HCRTR2: variants seen among roughly 807,000 people sequenced by gnomAD.
HCRTR2 encodes orexin receptor type 2.
A neutral mutation model predicts 49.0 loss-of-function variants in HCRTR2; 22 were observed. That is an observed-to-expected ratio of 0.45 (90% confidence interval 0.32 to 0.64). The LOEUF (loss-of-function observed/expected upper bound fraction) is 0.64, where lower values mean the gene tolerates loss of function less well. HCRTR2 is among the 30% of genes least tolerant of loss of function. HCRTR2 has a pLI of 0.04. For missense variants in HCRTR2, 491 were observed against 559.4 expected, an observed-to-expected ratio of 0.88 and a Z score of 1.23; for synonymous variants, 236 against 205.3, an observed-to-expected ratio of 1.15 and a Z score of -1.28.
At chr6:55,176,604 A>T (rs1335518041) in intron 1 of HCRTR2, among the ~76,000 whole-genome samples, 1 of 152,206 alleles carries the variant, frequency 6.6e-6, no homozygotes, top group East Asian at 1.9e-4. Flanking sequence ...ATATCAAAAT[A>T]ACCCACATTA....
chr6:55,262,930 A>T (rs1766795378), intron 3 of HCRTR2, among the ~76,000 whole-genome samples: 1 of 151,374 alleles, frequency 6.6e-6, no homozygotes, highest in Non-Finnish European at 1.5e-5. Flanking sequence ...AGGATTAATT[A>T]TAAATAAAAA....
At chr6:55,172,072 C>G (rs1351218625), upstream of HCRTR2, among the ~76,000 whole-genome samples, 1 of 152,140 alleles carries the variant, frequency 6.6e-6, no homozygotes, top group Non-Finnish European at 1.5e-5. Context: ...TGCCGATGAA[C>G]TTGAACAAAG....
intron 1 of HCRTR2, among the ~76,000 whole-genome samples, chr6:55,158,101 G>A (rs1296584524): frequency 3.3e-5 from 5 of 152,176 alleles, no homozygotes; most frequent in African/African-American, 1.2e-4. Context: ...TTCCAACTGA[G>A]GTACCCAGCT....
chr6:55,220,646 A>G (rs1400016662), intron 1 of HCRTR2, among the ~76,000 whole-genome samples: 1 of 152,186 alleles, frequency 6.6e-6, no homozygotes, highest in East Asian at 1.9e-4. Flanking sequence ...AAGATCAGGA[A>G]CTAGGTAAGA....
At chr6:55,257,432 TA>T (rs1766674125) in intron 3 of HCRTR2, among the ~76,000 whole-genome samples, 1 of 152,066 alleles carries the variant, frequency 6.6e-6, no homozygotes, top group Non-Finnish European at 1.5e-5. Flanking sequence ...AATATAAAAA[TA>T]TTTTTCAATA....
Position 55,277,456 on chromosome 6 carries a change from A to G in HCRTR2, c.839A>G (p.Gln280Arg). 2.5e-6 allele frequency: 4 copies of G among 1,614,114 alleles called. No homozygotes were observed. Among genetic ancestry groups the G allele is most frequent in the Non-Finnish European group, 3.4e-6 (4 of 1,179,988 alleles). The change falls in exon 5 of 7, where the codon CAG becomes CGG. Residue 280 changes from glutamine to arginine, a missense_variant. Physicochemically the swap from Gln to Arg is conservative, Grantham distance 43. Coordinates refer to ENST00000370862, the MANE Select transcript of HCRTR2 (RefSeq NM_001384272.1). ...GTTTCACAGCCTCGAGGGCCAGGAC[A>G]GCCAACGAAGTCCCGGATGAGCGCT... ...QPVSQPRGPG[Q>R]PTKSRMSAVA...
At chr6:55,282,826 T>G (rs1316930257), downstream of HCRTR2, among the ~76,000 whole-genome samples, 3 of 152,162 alleles carry the variant, frequency 2.0e-5, no homozygotes, top group Non-Finnish European at 2.9e-5. Context: ...TGATTTTTTT[T>G]GCTACTAAAA....
At chr6:55,241,781 G>C (rs1766336311) in intron 1 of HCRTR2, among the ~76,000 whole-genome samples, 1 of 148,030 alleles carries the variant, frequency 6.8e-6, no homozygotes, top group Non-Finnish European at 1.5e-5. Flanking sequence ...TTTTCATTCT[G>C]TATTGAAGGT....
intron 1 of HCRTR2, among the ~76,000 whole-genome samples, chr6:55,137,953 C>T (rs1269962653): frequency 6.6e-6 from 1 of 152,130 alleles, no homozygotes; most frequent in Non-Finnish European, 1.5e-5. Context: ...GAACTTTAGC[C>T]TTCAGTTTCT....
At chr6:55,165,022 A>G (rs1764856807) in intron 1 of HCRTR2, among the ~76,000 whole-genome samples, 2 of 152,218 alleles carry the variant, frequency 1.3e-5, no homozygotes, top group South Asian at 4.1e-4. Context: ...GAAAAATTCA[A>G]TTGATATACA....
intron 1 of HCRTR2, among the ~76,000 whole-genome samples, chr6:55,226,727 T>A: frequency 7.2e-6 from 1 of 139,468 alleles, no homozygotes; most frequent in African/African-American, 2.8e-5. Context: ...TTTTTTTTTT[T>A]TTTTTTTTGA....
chr6:55,118,874 G>T (rs991225055), intron 1 of HCRTR2, among the ~76,000 whole-genome samples: 1 of 151,410 alleles, frequency 6.6e-6, no homozygotes, highest in Non-Finnish European at 1.5e-5. Context: ...TGCCATGGTG[G>T]TTTGCTATAC....
chr6:55,255,076 T>A, intron 2 of HCRTR2, 60 bp from the exon 3 acceptor site: 1 of 1,579,342 alleles, frequency 6.3e-7, no homozygotes, highest in Non-Finnish European at 8.6e-7. Flanking sequence ...GTAAATATAT[T>A]AAGAGTAATT....
At position 55,282,509 on chromosome 6, in the gene HCRTR2, C is replaced by A. The variant is rs1360401639; in HGVS notation, c.*55C>A. 7 of 966,432 alleles carry A rather than the reference C, an allele frequency of 7.2e-6. No individual in the cohort carries two copies. Among genetic ancestry groups the A allele is most frequent in the African/African-American group, 6.5e-5 (4 of 61,600 alleles). 59.9% of individuals were successfully genotyped at this position (966,432 alleles called of 1,614,324 possible). A position where few individuals can be genotyped will look rare whatever the true frequency, so the allele number is the denominator to read the frequency against. On this transcript the variant is annotated 3_prime_UTR_variant, in exon 7 of 7. Coordinates refer to ENST00000370862, the MANE Select transcript of HCRTR2 (RefSeq NM_001384272.1). ...AGTAAAACTATCCTTTTTAAAATCA[C>A]TGGGAACAGAAATTTTATTATCCTA... is the stretch of plus-strand genomic sequence containing the variant.
intron 1 of HCRTR2, among the ~76,000 whole-genome samples, chr6:55,131,051 G>A (rs1430971234): frequency 1.3e-5 from 2 of 151,768 alleles, no homozygotes; most frequent in African/African-American, 4.8e-5. Flanking sequence ...TAAGAGTGAG[G>A]TTGACTTGAA....
intron 1 of HCRTR2, among the ~76,000 whole-genome samples, chr6:55,200,236 TGTGTG>T: frequency 4.2e-4 from 1 of 2,406 alleles, no homozygotes; most frequent in South Asian, 0.019. Context: ...TTTGCTGTCT[TGTGTG>T]TGTGTGTGTG....
chr6:55,280,927 A>G (rs1385638891), intron 6 of HCRTR2, among the ~76,000 whole-genome samples: 1 of 152,302 alleles, frequency 6.6e-6, no homozygotes, highest in African/African-American at 2.4e-5. Flanking sequence ...CAAAAATAGT[A>G]TTACTCCAAA....
At chr6:55,227,213 T>C (rs1766025907) in intron 1 of HCRTR2, among the ~76,000 whole-genome samples, 1 of 152,050 alleles carries the variant, frequency 6.6e-6, no homozygotes, top group East Asian at 1.9e-4. Context: ...TGTTAAGTGG[T>C]TGATATCCAC....
At chr6:55,145,223 C>G in intron 1 of HCRTR2, among the ~76,000 whole-genome samples, 1 of 152,094 alleles carries the variant, frequency 6.6e-6, no homozygotes, top group East Asian at 1.9e-4. Flanking sequence ...GTTTTCTTTT[C>G]TCAACTGGTT....
Sources: allele counts gnomAD v4.1 joint callset (sites outside exome capture counted in the v4.1 genomes callset), GRCh38; gene constraint gnomAD v4.1.1; transcripts MANE v1.5; gene names NCBI Gene and HGNC (gene_info 2026-07-23, HGNC 2026-07-21).